Variants in CTPS2 observed in about 807,000 individuals in gnomAD.
CTPS2 encodes the protein CTP synthase II.
CTPS2 carries 19 observed loss-of-function variants against 46.8 expected under a neutral mutation model. The ratio of observed to expected loss-of-function variants is 0.41; its 90% CI spans 0.28 to 0.60. The LOEUF (loss-of-function observed/expected upper bound fraction) is 0.60, where lower values mean the gene tolerates loss of function less well. Among genes scored for constraint, CTPS2 ranks in the 20% least tolerant of loss-of-function variants. The probability of loss-of-function intolerance (pLI) is 0.35; values close to 1 mark genes in which losing one functional copy is unlikely to be tolerated. For synonymous variants in CTPS2, 151 were observed against 165.2 expected, an observed-to-expected ratio of 0.91 and a Z score of 0.66; for missense variants, 286 against 447.6, an observed-to-expected ratio of 0.64 and a Z score of 3.26.
chrX:16,674,700 T>A (rs766120569), intron 10 of CTPS2, among the ~76,000 whole-genome samples: 1 of 105,309 alleles, frequency 9.5e-6, no homozygotes, highest in South Asian at 4.4e-4. Flanking sequence ...TAGCCGGGCG[T>A]GGTGGCAGGC....
chrX:16,646,686 GCATTTCACACC>G (rs1242194757), intron 13 of CTPS2, among the ~76,000 whole-genome samples: 1 of 112,237 alleles, frequency 8.9e-6, no homozygotes, highest in Non-Finnish European at 1.9e-5. Context: ...CCCATGGATA[GCATTTCACACC>G]CATTTTGTTT....
intron 13 of CTPS2, among the ~76,000 whole-genome samples, chrX:16,640,514 A>C (rs1041850002): frequency 2.6e-4 from 29 of 111,434 alleles, no homozygotes; most frequent in African/African-American, 9.5e-4. Flanking sequence ...TGTGGGAGAG[A>C]CAGTCAATCT....
chrX:16,633,568 G>A (rs1450229027), intron 14 of CTPS2, among the ~76,000 whole-genome samples: 2 of 111,795 alleles, frequency 1.8e-5, no homozygotes, highest in South Asian at 3.7e-4. Context: ...ACACCACAAT[G>A]GCTACAAAGC....
intron 14 of CTPS2, among the ~76,000 whole-genome samples, chrX:16,628,694 A>G (rs1404826086): frequency 8.9e-6 from 1 of 111,865 alleles, no homozygotes; most frequent in Admixed American, 9.5e-5. Context: ...TTTTCCATTT[A>G]GTATTCTTAC....
At chrX:16,631,042 A>G (rs1039963637) in intron 14 of CTPS2, among the ~76,000 whole-genome samples, 6 of 112,124 alleles carry the variant, frequency 5.4e-5, no homozygotes, top group African/African-American at 1.3e-4. Flanking sequence ...GGCAACAAAG[A>G]GACCTCATCT....
At chrX:16,652,001 A>T (rs1042474418) in intron 13 of CTPS2, among the ~76,000 whole-genome samples, 1 of 106,549 alleles carries the variant, frequency 9.4e-6, no homozygotes, top group Non-Finnish European at 1.9e-5. Context: ...GTGGGGGTTT[A>T]TGACCATAGA....
At position 16,665,803 on chromosome X, in the gene CTPS2, T is replaced by A. The variant is rs185321248; in HGVS notation, c.1296+1711A>T. On this transcript the variant is annotated intron_variant, in intron 13 of 18. Transcript: ENST00000359276. ...TCTCACTCTGTTGCCCAGGCTGGAG[T>A]GCAATGGCACGATCTCAGCTCACTG... Among the ~76,000 whole-genome samples, 9 of 112,129 alleles carry A rather than the reference T, an allele frequency of 8.0e-5. 1 individual carries two copies. The East Asian group carries it at 2.5e-3, about 31-fold the overall frequency.
At chrX:16,597,118 G>A (rs1184053940) in intron 17 of CTPS2, among the ~76,000 whole-genome samples, 1 of 110,765 alleles carries the variant, frequency 9.0e-6, no homozygotes, top group African/African-American at 3.3e-5. Context: ...AGTAGGTTGC[G>A]AAAATTTTCT....
chrX:16,593,233 T>C (rs1475233962), intron 17 of CTPS2, among the ~76,000 whole-genome samples: 2 of 110,750 alleles, frequency 1.8e-5, no homozygotes, highest in African/African-American at 3.3e-5. Flanking sequence ...ATCGAGATCA[T>C]CCTGGCTAAC....
At chrX:16,646,580 C>T (rs773455837) in intron 13 of CTPS2, among the ~76,000 whole-genome samples, 1 of 112,644 alleles carries the variant, frequency 8.9e-6, no homozygotes, top group South Asian at 3.7e-4. Context: ...GGAAGGTAGA[C>T]ACCAGGTCAG....
At chrX:16,681,761 C>G (rs1022004613) in intron 9 of CTPS2, among the ~76,000 whole-genome samples, 2 of 111,174 alleles carry the variant, frequency 1.8e-5, no homozygotes, top group Non-Finnish European at 3.8e-5. Flanking sequence ...GTTGCCCAGG[C>G]TGGTCTTCAA....
intron 1 of CTPS2, among the ~76,000 whole-genome samples, chrX:16,703,355 G>A (rs1924732499): frequency 9.6e-6 from 1 of 104,024 alleles, no homozygotes; most frequent in Non-Finnish European, 2.0e-5. Flanking sequence ...TTAAGAGACA[G>A]TGTCTCCCTA....
intron 1 of CTPS2, among the ~76,000 whole-genome samples, chrX:16,703,624 C>T (rs1331182259): frequency 1.8e-5 from 2 of 112,168 alleles, no homozygotes; most frequent in African/African-American, 6.5e-5. Flanking sequence ...AGCCACCATG[C>T]TTCGTCTCAC....
rs148201650 is a variant in CTPS2, at chrX:16,705,208, T to G, written c.-39-2267A>C. Among the ~76,000 whole-genome samples, 27 of 110,776 alleles carry G rather than the reference T, an allele frequency of 2.4e-4. No homozygotes were observed. In the East Asian group the frequency reaches 6.8e-3, roughly 28 times the overall value. On this transcript the variant is annotated intron_variant, in intron 1 of 18. Coordinates refer to ENST00000359276, the MANE Select transcript of CTPS2 (RefSeq NM_175859.3). ...TCCAGCCTGGGCAACAGAGCGAGAC[T>G]CTGTCTCAAAAAAATAAAAAATAAA...
At chrX:16,708,440 C>T (rs2147396553) in intron 1 of CTPS2, among the ~76,000 whole-genome samples, 1 of 111,560 alleles carries the variant, frequency 9.0e-6, no homozygotes, top group South Asian at 3.7e-4. Context: ...ATGTTTATAG[C>T]TTAAAACATT....
At chrX:16,700,291 G>A (rs2147376789) in intron 2 of CTPS2, among the ~76,000 whole-genome samples, 1 of 109,039 alleles carries the variant, frequency 9.2e-6, no homozygotes, top group East Asian at 2.9e-4. Context: ...TAATTTTTTT[G>A]TATTTTTAGT....
intron 14 of CTPS2, among the ~76,000 whole-genome samples, chrX:16,636,935 A>G (rs904444666): frequency 9.0e-6 from 1 of 111,673 alleles, no homozygotes; most frequent in Non-Finnish European, 1.9e-5. Context: ...ATAAAAAATA[A>G]AAAATAAAAT....
intron 14 of CTPS2, among the ~76,000 whole-genome samples, chrX:16,629,727 C>T (rs954575119): frequency 9.0e-6 from 1 of 111,673 alleles, no homozygotes; most frequent in Non-Finnish European, 1.9e-5. Context: ...AAAACTTCTC[C>T]CCATTTCTTT....
chrX:16,690,620 C>T (rs1394771104), intron 7 of CTPS2, among the ~76,000 whole-genome samples: 1 of 111,708 alleles, frequency 9.0e-6, no homozygotes, highest in Non-Finnish European at 1.9e-5. Context: ...CCAAACCTCA[C>T]CCTTTTCCTG....
Sources: allele counts gnomAD v4.1 joint callset (sites outside exome capture counted in the v4.1 genomes callset), GRCh38; gene constraint gnomAD v4.1.1; transcripts MANE v1.5; gene names NCBI Gene and HGNC (gene_info 2026-07-23, HGNC 2026-07-21).